Variants in ZNF534 observed in about 807,000 individuals in gnomAD.
ZNF534 encodes the protein KRAB domain only 3.
Under a neutral mutation model 13.6 loss-of-function variants are expected in ZNF534, and 19 were observed. The ratio of observed to expected loss-of-function variants is 1.40; its 90% CI spans 0.97 to 2.05. The LOEUF is 2.05. Among genes scored for constraint, ZNF534 ranks in the 30% most tolerant of loss-of-function variants. The pLI, the probability that ZNF534 is intolerant of heterozygous loss-of-function variation, is 0.00. For missense variants in ZNF534, 782 were observed against 796.3 expected, an observed-to-expected ratio of 0.98 and a Z score of 0.22; for synonymous variants, 244 against 273.8, an observed-to-expected ratio of 0.89 and a Z score of 1.07.
intron 1 of ZNF534, among the ~76,000 whole-genome samples, chr19:52,430,023 T>TGG (rs1189917303): frequency 9.2e-5 from 14 of 151,462 alleles, no homozygotes; most frequent in African/African-American, 3.4e-4. Flanking sequence ...ATTTTTTTTT[T>TGG]GGGTTTTTTT....
Position 52,435,124 on chromosome 19 carries a change from A to G in ZNF534, c.186A>G (p.Gln62=), listed in dbSNP as rs2059120290. 6.2e-7 allele frequency: 1 copy of G among 1,613,336 alleles called. No individual in the cohort carries two copies. The highest frequency in any genetic ancestry group is 2.2e-5 in the East Asian group (1 of 44,870). ...TGAGTGTTACCTCCATGTTGGAGCA[A>G]AAGAGAGATCCCTGGACTCTGCAGA... ...PDLSVTSMLE[Q]KRDPWTLQSE... Residue 62 remains glutamine (Q), a synonymous_variant, in exon 4 of 5, where the codon CAA becomes CAG. Coordinates refer to ENST00000433050, the MANE Select transcript of ZNF534 (RefSeq NM_001143938.3).
chr19:52,438,765 G>T lies in ZNF534; in HGVS notation c.1305G>T (p.Glu435Asp). The T allele has an allele frequency of 1.2e-6, 2 of 1,604,474 alleles. No homozygotes were observed. The highest frequency in any genetic ancestry group is 1.7e-6 in the Non-Finnish European group (2 of 1,174,978). ...LTAHLLIHTG[E>D]KPYECIDCGK... ...CCCATCTTCTAATCCATACTGGAGA[G>T]AAACCTTACGAATGTATAGACTGTG... Residue 435 changes from glutamate (E) to aspartate (D), a missense_variant, in exon 5 of 5, where the codon GAG becomes GAT. Glu to Asp is a conservative substitution (Grantham distance 45). Transcript: ENST00000433050.
intron 4 of ZNF534, 28 bp from the exon 5 acceptor site, chr19:52,437,704 A>C: frequency 6.5e-7 from 1 of 1,528,906 alleles, no homozygotes. Context: ...AATCGGGATT[A>C]AGTTCTAAAA....
intron 4 of ZNF534, among the ~76,000 whole-genome samples, chr19:52,436,786 C>G (rs1316172468): frequency 6.6e-6 from 1 of 152,086 alleles, no homozygotes. Flanking sequence ...TTTCTGTTCT[C>G]TTGTTTTTAA....
chr19:52,436,965 T>C (rs1311778275), intron 4 of ZNF534, among the ~76,000 whole-genome samples: 2 of 152,168 alleles, frequency 1.3e-5, no homozygotes, highest in African/African-American at 4.8e-5. Context: ...CCTTGTATGG[T>C]AGTTTTTGGT....
downstream of ZNF534, among the ~76,000 whole-genome samples, chr19:52,447,333 A>C (rs2059197929): frequency 2.0e-5 from 3 of 152,196 alleles, no homozygotes; most frequent in African/African-American, 7.2e-5. Flanking sequence ...ATACTATTTT[A>C]TCCTCCTTTC....
chr19:52,430,555 TTTTG>T (rs1399729981), intron 1 of ZNF534, among the ~76,000 whole-genome samples: 1 of 145,808 alleles, frequency 6.9e-6, no homozygotes, highest in Non-Finnish European at 1.5e-5. Flanking sequence ...TGTGCTTTTT[TTTTG>T]TTTTTTTTTG....
rs761530873 is a variant in ZNF534, at chr19:52,438,126, C to G, written c.666C>G (p.Ile222Met). 1.1e-5 allele frequency: 17 copies of G among 1,613,908 alleles called. No homozygotes were observed. Among genetic ancestry groups the G allele is most frequent in the Non-Finnish European group, 1.4e-5 (17 of 1,179,984 alleles). Reference sequence around the variant, plus strand: ...ACAAATGTAGTGACTGTGGCGAGATCTTTAGTAGCAATTCAAACTTTGCAC... The same window carrying G: ...ACAAATGTAGTGACTGTGGCGAGATGTTTAGTAGCAATTCAAACTTTGCAC... ...KTYKCSDCGE[I>M]FSSNSNFAQH... The change falls in exon 5 of 5, where the codon ATC becomes ATG. Residue 222 changes from isoleucine to methionine, a missense_variant. Coordinates refer to ENST00000433050, the MANE Select transcript of ZNF534 (RefSeq NM_001143938.3).
rs1026883332 is a variant in ZNF534, at chr19:52,434,278, G to C, written c.142+197G>C. On this transcript the variant is annotated intron_variant, in intron 3 of 4. Transcript: ENST00000433050. ...TGGGAGGCCGAGGCAAATGGTTCACGAGGTCAGGAGATCGAGACCACGGTG... is the reference window on the plus strand; with the variant it reads ...TGGGAGGCCGAGGCAAATGGTTCACCAGGTCAGGAGATCGAGACCACGGTG... Among the ~76,000 whole-genome samples the C allele has an allele frequency of 2.6e-5, 4 of 151,704 alleles. No individual in the cohort carries two copies. In the South Asian group the frequency reaches 8.3e-4, roughly 32 times the overall value.
chr19:52,445,645 G>A (rs1219011147), downstream of ZNF534, among the ~76,000 whole-genome samples: 1 of 152,180 alleles, frequency 6.6e-6, no homozygotes, highest in Non-Finnish European at 1.5e-5. Flanking sequence ...TATTTGGGGT[G>A]TCTCCTGGGT....
At chr19:52,452,100 T>C (rs1035222864) in exon 5 of ZNF534, 1 of 167,492 alleles carries the variant, frequency 6.0e-6, no homozygotes, top group South Asian at 1.5e-4. Flanking sequence ...GAAGAGATCA[T>C]TTAAAAAAAG....
chr19:52,450,475 G>A (rs1003438186), intron 4 of ZNF534, among the ~76,000 whole-genome samples: 2 of 151,998 alleles, frequency 1.3e-5, no homozygotes, highest in African/African-American at 4.8e-5. Flanking sequence ...CTGCAAAGAT[G>A]TGGGTTTCTT....
Position 52,434,018 on chromosome 19 carries a change from C to T in ZNF534, c.79C>T (p.Pro27Ser). ...TCAGGAGGAGTGGAAATGCCTGGAC[C>T]CTGGGCAGAAAGCTTTATACAGGGA... is the stretch of plus-strand genomic sequence containing the variant. ...FSQEEWKCLD[P>S]GQKALYRDVM... Residue 27 changes from proline to serine, a missense_variant, in exon 3 of 5, where the codon CCT becomes TCT. This residue lies in a region of ZNF534 where 81 missense variants were observed against 63.5 expected (regional missense o/e 1.28). Coordinates refer to ENST00000433050, the MANE Select transcript of ZNF534 (RefSeq NM_001143938.3). The T allele has an allele frequency of 6.2e-7, 1 of 1,614,018 alleles. No homozygotes were observed. The highest frequency in any genetic ancestry group is 8.5e-7 in the Non-Finnish European group (1 of 1,179,986).
rs1030245316 is a variant in ZNF534, at chr19:52,437,971, A to G, written c.511A>G (p.Thr171Ala). 1.2e-6 allele frequency: 2 copies of G among 1,613,788 alleles called. No homozygotes were observed. Among genetic ancestry groups the G allele is most frequent in the Admixed American group, 1.7e-5 (1 of 59,942 alleles). Residue 171 changes from threonine to alanine, a missense_variant, in exon 5 of 5, where the codon ACA (threonine) becomes GCA (alanine). Thr to Ala is a moderately conservative substitution (Grantham distance 58, BLOSUM62 0). This residue lies in a region of ZNF534 where 591 missense variants were observed against 574.0 expected (regional missense o/e 1.03). Coordinates refer to ENST00000433050, the MANE Select transcript of ZNF534 (RefSeq NM_001143938.3). ...CTACAGAAATGATTTTCTTTTTTCT[A>G]CATTACTCCCACAAGAACAGAAAGT... Reference protein sequence around the residue: ...NNYRNDFLFSTLLPQEQKVHI... With the variant: ...NNYRNDFLFSALLPQEQKVHI...
In ZNF534 at chr19:52,431,389, G is replaced by T; in HGVS notation, c.-67-19G>T. The T allele has an allele frequency of 6.3e-7, 1 of 1,580,896 alleles. No individual in the cohort carries two copies. Among genetic ancestry groups the T allele is most frequent in the Middle Eastern group, 1.7e-4 (1 of 5,918 alleles). On this transcript the variant is annotated intron_variant, in intron 1 of 4. Transcript: ENST00000433050. ...GTGTGTTGATTCTAAGCCCTAAACA[G>T]CATTATTTTTGATACTAGGATTCAC...
At position 52,438,960 on chromosome 19, in the gene ZNF534, C is replaced by G; in HGVS notation, c.1500C>G (p.Gly500=). Residue 500 remains glycine (G), a synonymous_variant, in exon 5 of 5, where the codon GGC becomes GGG. Coordinates refer to ENST00000433050, the MANE Select transcript of ZNF534 (RefSeq NM_001143938.3). Reference sequence around the variant, plus strand: ...AGCTTTACAAATGTAATGAATGTGGCAAGGTCTTCCGTCAGAATTCACACC... The same window carrying G: ...AGCTTTACAAATGTAATGAATGTGGGAAGGTCTTCCGTCAGAATTCACACC... ...GEKLYKCNEC[G]KVFRQNSHLA... 6.2e-7 allele frequency: 1 copy of G among 1,604,792 alleles called. No homozygotes were observed. The highest frequency in any genetic ancestry group is 8.5e-7 in the Non-Finnish European group (1 of 1,175,084).
intron 2 of ZNF534, among the ~76,000 whole-genome samples, chr19:52,433,684 A>T (rs1451493265): frequency 6.6e-6 from 1 of 152,222 alleles, no homozygotes; most frequent in Non-Finnish European, 1.5e-5. Context: ...TAACATTTCT[A>T]TACAGATAAC....
intron 2 of ZNF534, 58 bp downstream of exon 2, chr19:52,431,547 A>C: frequency 1.9e-6 from 3 of 1,609,708 alleles, no homozygotes; most frequent in South Asian, 2.2e-5. Context: ...AATGCCAGGC[A>C]TTGGAGTTGC....
At chr19:52,449,170 G>A (rs527788982) in intron 4 of ZNF534, among the ~76,000 whole-genome samples, 4 of 152,156 alleles carry the variant, frequency 2.6e-5, no homozygotes, top group Admixed American at 1.3e-4. Flanking sequence ...TGTTGCTGCC[G>A]CAAATGACAA....
Sources: gnomAD v4.1 joint callset for allele counts (sites outside exome capture counted in the v4.1 genomes callset) on GRCh38, gnomAD v4.1.1 for gene constraint, gnomAD v4.1.1 regional missense constraint, MANE v1.5 for transcripts, NCBI Gene and HGNC (gene_info 2026-07-23, HGNC 2026-07-21) for gene names.